The following KIRREL1 variants were observed in gnomAD, a reference collection of about 807,000 sequenced individuals.
The protein encoded by KIRREL1 is kirre like nephrin family adhesion molecule 1.
Under a neutral mutation model 83.3 loss-of-function variants are expected in KIRREL1, and 25 were observed. The observed-to-expected ratio is 0.30, with a 90% CI of 0.22 to 0.42. KIRREL1 has a LOEUF of 0.42. KIRREL1 is among the 10% of genes least tolerant of loss of function. KIRREL1 has a pLI of 1.00. For synonymous variants in KIRREL1, 388 were observed against 410.4 expected, an observed-to-expected ratio of 0.95 and a Z score of 0.66; for missense variants, 812 against 1,032.3, an observed-to-expected ratio of 0.79 and a Z score of 2.92.
intron 1 of KIRREL1, among the ~76,000 whole-genome samples, chr1:158,007,481 G>C (rs147711216): frequency 6.6e-6 from 1 of 152,136 alleles, no homozygotes. Flanking sequence ...TGAGAGCTGC[G>C]GTATGGCTTT....
In KIRREL1 at chr1:158,086,728, A is replaced by T; in HGVS notation, c.643A>T (p.Ile215Phe). 1 of 1,550,750 alleles carries T rather than the reference A, an allele frequency of 6.4e-7. No homozygotes were observed. The highest frequency in any genetic ancestry group is 8.7e-7 in the Non-Finnish European group (1 of 1,146,672). The part of the protein sequence containing the change: ...EAIPSGKETS[I>F]ELDVHHPPTV... ...CATCCCTAGTGGCAAGGAGACTTCC[A>T]TCGAGCTGGATGTGCACCGTGAGTG... The change falls in exon 5 of 15, where the codon ATC becomes TTC. Residue 215 changes from isoleucine to phenylalanine, a missense_variant. Physicochemically the swap from Ile to Phe is conservative, Grantham distance 21. Around this residue, in one of 3 missense-constraint regions of KIRREL1, gnomAD observed 472 missense variants for 626.8 expected, o/e 0.75. Transcript: ENST00000359209.
rs1229069897 is a variant in KIRREL1, at chr1:158,096,694, C to T, written c.*1574C>T. On this transcript the variant is annotated 3_prime_UTR_variant, in exon 15 of 15. Transcript: ENST00000359209. ...ACACACCTTCCATGTGACTGCTTCTCAGCCACCACTTTCTGACCAAAGAGA... is the reference window on the plus strand; with the variant it reads ...ACACACCTTCCATGTGACTGCTTCTTAGCCACCACTTTCTGACCAAAGAGA... The T allele has an allele frequency of 4.4e-6, 2 of 456,626 alleles. No individual in the cohort carries two copies. The highest frequency in any genetic ancestry group is 8.8e-6 in the Non-Finnish European group (2 of 226,990). 28.3% of individuals were successfully genotyped at this position (456,626 alleles called of 1,614,324 possible).
At chr1:158,093,813 C>A (rs1469785291) in intron 13 of KIRREL1, 51 bp downstream of exon 13, 1 of 1,600,596 alleles carries the variant, frequency 6.2e-7, no homozygotes. Context: ...CCTCTGAGGA[C>A]CAGCTCCATC....
chr1:158,028,205 G>A (rs1382032765), intron 1 of KIRREL1, among the ~76,000 whole-genome samples: 2 of 152,168 alleles, frequency 1.3e-5, no homozygotes, highest in Non-Finnish European at 2.9e-5. Flanking sequence ...AGCTGCAGTG[G>A]TCTGCAGGAA....
chr1:158,084,661 C>A, intron 4 of KIRREL1, 82 bp downstream of exon 4: 1 of 1,414,578 alleles, frequency 7.1e-7, no homozygotes. Context: ...TCACCACAGA[C>A]TCAGGAGCAC....
chr1:158,000,385 C>G (rs1016871257), intron 1 of KIRREL1, among the ~76,000 whole-genome samples: 1 of 152,170 alleles, frequency 6.6e-6, no homozygotes, highest in African/African-American at 2.4e-5. Flanking sequence ...CTACTTTTTG[C>G]CTTGCCTTGC....
intron 1 of KIRREL1, among the ~76,000 whole-genome samples, chr1:158,002,268 G>A (rs1156909293): frequency 6.6e-6 from 1 of 152,204 alleles, no homozygotes; most frequent in East Asian, 1.9e-4. Flanking sequence ...CAGGCTCTTT[G>A]TTACCTGTCC....
rs1662417296 is a variant in KIRREL1, at chr1:158,098,724, G to A, written c.*3604G>A. On this transcript the variant is annotated 3_prime_UTR_variant, in exon 15 of 15. Coordinates refer to ENST00000359209, the MANE Select transcript of KIRREL1 (RefSeq NM_018240.7). ...GAGAAAGGAAAGGGGCCAGGGATGGGAGCAGTGCTGTGCTGTTATCACTGT... is the reference window on the plus strand; with the variant it reads ...GAGAAAGGAAAGGGGCCAGGGATGGAAGCAGTGCTGTGCTGTTATCACTGT... 2 of 152,276 alleles carry A rather than the reference G, an allele frequency of 1.3e-5. No individual in the cohort carries two copies. Among genetic ancestry groups the A allele is most frequent in the African/African-American group, 4.8e-5 (2 of 41,462 alleles). The allele number at this position is 152,276 out of a possible 1,614,324, so 9.4% of individuals were successfully genotyped here. A position where few individuals can be genotyped will look rare whatever the true frequency, so the allele number is the denominator to read the frequency against.
At chr1:158,005,728 A>G (rs1659499073) in intron 1 of KIRREL1, among the ~76,000 whole-genome samples, 1 of 152,076 alleles carries the variant, frequency 6.6e-6, no homozygotes, top group Admixed American at 6.6e-5. Flanking sequence ...TGGGTGCATG[A>G]TTTGGGGGAG....
In KIRREL1 at chr1:158,096,489, C is replaced by T. The variant is rs1455718841; in HGVS notation, c.*1369C>T. The T allele has an allele frequency of 1.2e-5, 5 of 428,882 alleles. No homozygotes were observed. The highest frequency in any genetic ancestry group is 1.9e-5 in the Non-Finnish European group (4 of 210,596). 26.6% of individuals were successfully genotyped at this position (428,882 alleles called of 1,614,324 possible). On this transcript the variant is annotated 3_prime_UTR_variant, in exon 15 of 15. Transcript: ENST00000359209. ...GTGGGGAGTGGGTACTTGTGAGCCTCGGACACACTGTTAAGTGTTACAGTG... is the reference window on the plus strand; with the variant it reads ...GTGGGGAGTGGGTACTTGTGAGCCTTGGACACACTGTTAAGTGTTACAGTG...
At chr1:158,063,706 C>T (rs1286569463) in intron 1 of KIRREL1, among the ~76,000 whole-genome samples, 1 of 152,200 alleles carries the variant, frequency 6.6e-6, no homozygotes, top group African/African-American at 2.4e-5. Context: ...GCTGTCTATG[C>T]CCTCTGCCTT....
At chr1:158,035,192 ATTAC>A (rs1455447500) in intron 1 of KIRREL1, among the ~76,000 whole-genome samples, 1 of 152,200 alleles carries the variant, frequency 6.6e-6, no homozygotes, top group Non-Finnish European at 1.5e-5. Context: ...TAAGAGATCA[ATTAC>A]TTACCATCCG....
chr1:158,088,587 C>G, intron 8 of KIRREL1, 133 bp downstream of exon 8: 2 of 675,574 alleles, frequency 3.0e-6, no homozygotes. Context: ...CGGGTTCACG[C>G]CATTCTCCTG....
chr1:157,999,135 C>T (rs1465029766), intron 1 of KIRREL1, among the ~76,000 whole-genome samples: 3 of 152,174 alleles, frequency 2.0e-5, no homozygotes, highest in Non-Finnish European at 4.4e-5. Context: ...GTGCCTCACT[C>T]AGCTCAGCCC....
At chr1:158,053,392 T>C (rs560430571) in intron 1 of KIRREL1, among the ~76,000 whole-genome samples, 3 of 152,172 alleles carry the variant, frequency 2.0e-5, no homozygotes, top group African/African-American at 7.2e-5. Flanking sequence ...CATCTTAAGG[T>C]TGCCATGCAC....
intron 3 of KIRREL1, among the ~76,000 whole-genome samples, chr1:158,083,907 C>T (rs1254923446): frequency 1.3e-5 from 2 of 152,144 alleles, no homozygotes; most frequent in Non-Finnish European, 2.9e-5. Flanking sequence ...AGGTGGATCA[C>T]CTGAGAGGTC....
In KIRREL1 at chr1:158,096,963, TG is replaced by T. The variant is rs544586452; in HGVS notation, c.*1849del. On this transcript the variant is annotated 3_prime_UTR_variant, in exon 15 of 15. Transcript: ENST00000359209. ...CCATTACCACCCTTATGGATGGGTC[TG>T]GGGGGCGACATTCCTGGCCAACCCC... 6.6e-5 allele frequency: 30 copies of T among 456,812 alleles called. No homozygotes were observed. In the East Asian group the frequency reaches 1.9e-3, roughly 30 times the overall value. 28.3% of individuals were successfully genotyped at this position (456,812 alleles called of 1,614,324 possible).
chr1:158,019,872 C>T (rs76775412), intron 1 of KIRREL1, among the ~76,000 whole-genome samples: 2,927 of 152,150 alleles, frequency 0.019, 105 homozygotes, highest in African/African-American at 0.067. Context: ...ATAACACCCC[C>T]GACCCCGGTA....
At chr1:158,000,778 C>T (rs1460045918) in intron 1 of KIRREL1, among the ~76,000 whole-genome samples, 3 of 152,154 alleles carry the variant, frequency 2.0e-5, no homozygotes, top group Admixed American at 6.5e-5. Context: ...TCCTTGAGCC[C>T]ATTTAACAAA....
Sources: allele counts gnomAD v4.1 joint callset (sites outside exome capture counted in the v4.1 genomes callset), GRCh38; gene constraint gnomAD v4.1.1; regional missense constraint gnomAD v4.1.1; transcripts MANE v1.5; gene names NCBI Gene and HGNC (gene_info 2026-07-23, HGNC 2026-07-21).